Variants in CCBE1 observed in about 807,000 individuals in gnomAD.
CCBE1 encodes the protein collagen and calcium binding EGF domains 1.
Under a neutral mutation model 50.0 loss-of-function variants are expected in CCBE1, and 37 were observed. That is an observed-to-expected ratio of 0.74 (90% CI 0.57 to 0.97). The LOEUF (loss-of-function observed/expected upper bound fraction) is 0.97, where lower values mean the gene tolerates loss of function less well. Among genes scored for constraint, CCBE1 ranks in the 50% least tolerant of loss-of-function variants. The probability of loss-of-function intolerance (pLI) is 0.00; values close to 1 mark genes in which losing one functional copy is unlikely to be tolerated. For missense variants in CCBE1, 538 were observed against 523.8 expected, an observed-to-expected ratio of 1.03 and a Z score of -0.26; for synonymous variants, 234 against 203.7, an observed-to-expected ratio of 1.15 and a Z score of -1.27.
chr18:59,692,458 A>G (rs913287008), intron 2 of CCBE1, among the ~76,000 whole-genome samples: 1 of 152,118 alleles, frequency 6.6e-6, no homozygotes, highest in African/African-American at 2.4e-5. Flanking sequence ...ATATTATTTT[A>G]TATGTGTTTT....
chr18:59,610,056 A>G (rs569731156), intron 2 of CCBE1, among the ~76,000 whole-genome samples: 2 of 152,250 alleles, frequency 1.3e-5, no homozygotes, highest in Non-Finnish European at 2.9e-5. Flanking sequence ...GGCACACAAA[A>G]TATATGAAGG....
chr18:59,539,956 A>G (rs1334987040), intron 2 of CCBE1, among the ~76,000 whole-genome samples: 1 of 152,190 alleles, frequency 6.6e-6, no homozygotes, highest in Admixed American at 6.5e-5. Flanking sequence ...TGCCCCATGG[A>G]GAATTCTATT....
At position 59,477,538 on chromosome 18, in the gene CCBE1, C is replaced by CTCTGTGTGTGTGTG. The variant is rs1021000494; in HGVS notation, c.265+2647_265+2648insCACACACACACAGA. Among the ~76,000 whole-genome samples the CTCTGTGTGTGTGTG allele has an allele frequency of 1.3e-4, 20 of 149,996 alleles. No homozygotes were observed. In the South Asian group the frequency reaches 2.4e-3, roughly 18 times the overall value. On this transcript the variant is annotated intron_variant, in intron 3 of 10. Coordinates refer to ENST00000439986, the MANE Select transcript of CCBE1 (RefSeq NM_133459.4). ...CTTTCCATGGATTATTTCCATGTCTCTGTGTGTGTGTGTGTGTGTGTGTGT... is the reference window on the plus strand; with the variant it reads ...CTTTCCATGGATTATTTCCATGTCTCTCTGTGTGTGTGTGTGTGTGTGTGTGTGTGTGTGTGTGT...
At chr18:59,553,969 T>A (rs1313607274) in intron 2 of CCBE1, among the ~76,000 whole-genome samples, 1 of 152,218 alleles carries the variant, frequency 6.6e-6, no homozygotes, top group Non-Finnish European at 1.5e-5. Flanking sequence ...CAGGTCTGGT[T>A]AATGATCAAT....
intron 3 of CCBE1, among the ~76,000 whole-genome samples, chr18:59,474,701 GT>G (rs1310575932): frequency 2.0e-5 from 3 of 152,180 alleles, no homozygotes; most frequent in Non-Finnish European, 1.5e-5. Flanking sequence ...GCAATATCCT[GT>G]CTGTATGGAG....
At chr18:59,515,509 T>C (rs1477983093) in intron 2 of CCBE1, among the ~76,000 whole-genome samples, 1 of 152,230 alleles carries the variant, frequency 6.6e-6, no homozygotes, top group Non-Finnish European at 1.5e-5. Flanking sequence ...TCCAAGTTTC[T>C]GAGACCTGAA....
At chr18:59,637,963 G>T (rs1017787671) in intron 2 of CCBE1, among the ~76,000 whole-genome samples, 1 of 151,992 alleles carries the variant, frequency 6.6e-6, no homozygotes, top group South Asian at 2.1e-4. Context: ...TAGAAAAAGA[G>T]GAAATAATTT....
At chr18:59,651,162 T>C (rs543334289) in intron 2 of CCBE1, among the ~76,000 whole-genome samples, 2 of 152,304 alleles carry the variant, frequency 1.3e-5, no homozygotes, top group African/African-American at 2.4e-5. Flanking sequence ...GCCTAAGCTA[T>C]AGAAAGATAA....
intron 4 of CCBE1, 60 bp downstream of exon 4, chr18:59,469,413 C>G (rs2143731414): frequency 1.9e-6 from 3 of 1,611,084 alleles, no homozygotes; most frequent in East Asian, 2.2e-5. Flanking sequence ...CAACCAAGGA[C>G]AGAACCATCT....
chr18:59,591,952 A>C (rs2053276891), intron 2 of CCBE1, among the ~76,000 whole-genome samples: 1 of 152,228 alleles, frequency 6.6e-6, no homozygotes, highest in African/African-American at 2.4e-5. Context: ...CCAAAATCTA[A>C]AACTTTGAGC....
chr18:59,529,871 G>GA (rs1022124421), intron 2 of CCBE1, among the ~76,000 whole-genome samples: 13 of 152,094 alleles, frequency 8.5e-5, no homozygotes, highest in African/African-American at 2.9e-4. Flanking sequence ...GGATCTTTTG[G>GA]AAAAAACTGT....
intron 2 of CCBE1, among the ~76,000 whole-genome samples, chr18:59,501,128 G>T (rs1424757124): frequency 6.6e-6 from 1 of 152,208 alleles, no homozygotes; most frequent in Non-Finnish European, 1.5e-5. Context: ...TCATTGAAGA[G>T]ATCTGAATGA....
intron 2 of CCBE1, among the ~76,000 whole-genome samples, chr18:59,674,790 A>G (rs111949559): frequency 0.02 from 3,025 of 152,260 alleles, 91 homozygotes; most frequent in African/African-American, 0.069. Context: ...GTAATCCACA[A>G]CTTTTATAAA....
At chr18:59,680,153 A>G (rs961102742) in intron 2 of CCBE1, among the ~76,000 whole-genome samples, 2 of 151,912 alleles carry the variant, frequency 1.3e-5, no homozygotes, top group African/African-American at 4.8e-5. Context: ...CTCAGGAGGA[A>G]GAGATTGCAG....
At chr18:59,595,621 C>G (rs1031922594) in intron 2 of CCBE1, among the ~76,000 whole-genome samples, 1 of 152,174 alleles carries the variant, frequency 6.6e-6, no homozygotes, top group African/African-American at 2.4e-5. Flanking sequence ...GCCTTAAATT[C>G]CTACAATGAA....
intron 2 of CCBE1, among the ~76,000 whole-genome samples, chr18:59,619,886 G>C (rs924080654): frequency 1.3e-5 from 2 of 152,062 alleles, no homozygotes; most frequent in African/African-American, 4.8e-5. Context: ...AACTCCTAGT[G>C]GTCCACATCA....
rs1324122812 is a variant in CCBE1 at position 59,433,542 on chromosome 18, A to G, written c.*2366T>C. ...AAGACTGTTGCCACTAGAGGTTTGC[A>G]AAGCCCCTTCCTAACATTCTTAAGG... On this transcript the variant is annotated 3_prime_UTR_variant, in exon 11 of 11. Coordinates refer to ENST00000439986, the MANE Select transcript of CCBE1 (RefSeq NM_133459.4). The G allele has an allele frequency of 6.6e-6, 1 of 152,126 alleles. No homozygotes were observed. Among genetic ancestry groups the G allele is most frequent in the Admixed American group, 6.5e-5 (1 of 15,268 alleles). 9.4% of individuals were successfully genotyped at this position (152,126 alleles called of 1,614,324 possible).
intron 2 of CCBE1, among the ~76,000 whole-genome samples, chr18:59,582,150 C>A: frequency 6.6e-6 from 1 of 152,182 alleles, no homozygotes; most frequent in Non-Finnish European, 1.5e-5. Context: ...TCTCTTCCTT[C>A]GTCTTCACCA....
At chr18:59,594,589 G>T (rs1377222350) in intron 2 of CCBE1, among the ~76,000 whole-genome samples, 4 of 152,144 alleles carry the variant, frequency 2.6e-5, no homozygotes, top group Non-Finnish European at 5.9e-5. Flanking sequence ...ATACCCTTGG[G>T]CAAAACAAAA....
Sources: allele counts gnomAD v4.1 joint callset (sites outside exome capture counted in the v4.1 genomes callset), GRCh38; gene constraint gnomAD v4.1.1; transcripts MANE v1.5; gene names NCBI Gene and HGNC (gene_info 2026-07-23, HGNC 2026-07-21).